FIG4: variants seen among roughly 807,000 people sequenced by gnomAD.
FIG4 encodes FIG4 phosphoinositide 5-phosphatase.
FIG4 carries 112 observed loss-of-function variants against 118.6 expected under a neutral mutation model. That is an observed-to-expected ratio of 0.94 (90% confidence interval 0.81 to 1.11). The LOEUF is 1.11. Among genes scored for constraint, FIG4 ranks in the 50% least tolerant of loss-of-function variants. The pLI is 0.00. For missense variants in FIG4, 969 were observed against 1,111.7 expected (o/e 0.87, Z 1.83); for synonymous variants, 369 against 381.2 (o/e 0.97, Z 0.37).
At chr6:109,749,745 A>C (rs914168546) in intron 10 of FIG4, among the ~76,000 whole-genome samples, 1 of 152,160 alleles carries the variant, frequency 6.6e-6, no homozygotes, top group Admixed American at 6.6e-5. Flanking sequence ...ACTATCATAC[A>C]TGTGATCATA....
intron 7 of FIG4, among the ~76,000 whole-genome samples, chr6:109,738,802 G>A (rs1385010075): frequency 1.3e-5 from 2 of 152,168 alleles, no homozygotes; most frequent in East Asian, 3.9e-4. Context: ...ACAAAAGTCA[G>A]TGCCTTAGCA....
intron 16 of FIG4, among the ~76,000 whole-genome samples, chr6:109,779,451 C>A (rs1562679468): frequency 2.0e-5 from 3 of 152,182 alleles, no homozygotes; most frequent in African/African-American, 7.2e-5. Flanking sequence ...GAGATAATGT[C>A]TTGGCTAAGA....
chr6:109,794,141 T>C (rs1220399648), intron 21 of FIG4, among the ~76,000 whole-genome samples: 5 of 152,254 alleles, frequency 3.3e-5, no homozygotes, highest in African/African-American at 1.2e-4. Context: ...AATTCTGTGT[T>C]TGATATTCTG....
At chr6:109,804,544 C>T (rs1474964988) in intron 22 of FIG4, among the ~76,000 whole-genome samples, 1 of 152,140 alleles carries the variant, frequency 6.6e-6, no homozygotes, top group Non-Finnish European at 1.5e-5. Context: ...GCATGTTACT[C>T]AGAACCTTAA....
intron 10 of FIG4, among the ~76,000 whole-genome samples, chr6:109,757,026 G>A (rs11759958): frequency 0.3 from 45,553 of 151,938 alleles, 7,380 homozygotes; most frequent in Non-Finnish European, 0.37. Flanking sequence ...CGTCTTCTGC[G>A]TCGCTCACGC....
Position 109,766,837 on chromosome 6 carries a change from C to T in FIG4, c.1692C>T (p.Thr564=), listed in dbSNP as rs1340609696. 1 of 1,613,978 alleles carries T rather than the reference C, an allele frequency of 6.2e-7. No individual in the cohort carries two copies. The highest frequency in any genetic ancestry group is 1.3e-5 in the African/African-American group (1 of 74,994). Reference sequence around the variant, plus strand: ...CCTACAGAAAGATAGCACCATGGACCCAGCACTCCAAAGACATCATGCAAA... The same window carrying T: ...CCTACAGAAAGATAGCACCATGGACTCAGCACTCCAAAGACATCATGCAAA... ...VKTYRKIAPW[T]QHSKDIMQTL... Residue 564 remains threonine, a synonymous_variant, in exon 15 of 23, where the codon ACC becomes ACT. Coordinates refer to ENST00000230124, the MANE Select transcript of FIG4 (RefSeq NM_014845.6).
intron 20 of FIG4, 56 bp from the exon 21 acceptor site, chr6:109,792,526 T>C: frequency 1.0e-6 from 1 of 986,100 alleles, no homozygotes; most frequent in Non-Finnish European, 1.6e-6. Flanking sequence ...AAATTATTGA[T>C]ATGCTATATG....
At chr6:109,803,906 G>C (rs1004880952) in intron 22 of FIG4, among the ~76,000 whole-genome samples, 2 of 151,830 alleles carry the variant, frequency 1.3e-5, no homozygotes, top group African/African-American at 4.8e-5. Context: ...CATGGATGAA[G>C]CTGGAAACCA....
intron 10 of FIG4, among the ~76,000 whole-genome samples, chr6:109,751,172 A>G (rs963977128): frequency 6.6e-6 from 1 of 152,190 alleles, no homozygotes; most frequent in South Asian, 2.1e-4. Context: ...CAGTCTCACT[A>G]TTGTGAAATT....
intron 10 of FIG4, among the ~76,000 whole-genome samples, chr6:109,750,674 G>A (rs573819974): frequency 6.6e-6 from 1 of 152,240 alleles, no homozygotes; most frequent in East Asian, 1.9e-4. Flanking sequence ...AAAATCACTT[G>A]TGTAGTAGTT....
chr6:109,785,759 A>G (rs908860926), intron 17 of FIG4: 1 of 467,006 alleles, frequency 2.1e-6, no homozygotes, highest in African/African-American at 2.0e-5. Flanking sequence ...TTGGGTGGGG[A>G]AGGCCATAAA....
rs773877685 is a variant in FIG4 at position 109,791,410 on chromosome 6, C to T, written c.2215C>T (p.Arg739Trp). The part of the protein sequence containing the change: ...KSNREEAVLQ[R>W]KTAASAPPPP... ...CAATAGAGAAGAAGCTGTATTACAG[C>T]GGAAAACGGCAGCCAGCGCCCCGCC... The change falls in exon 20 of 23, where the codon CGG becomes TGG. Residue 739 changes from arginine (R) to tryptophan (W), a missense_variant. By Grantham distance (101) the Arg-to-Trp change is moderately radical. Around this residue, in one of 3 missense-constraint regions of FIG4, gnomAD observed 330 missense variants for 348.1 expected, o/e 0.95. Transcript: ENST00000230124. 1.2e-6 allele frequency: 2 copies of T among 1,613,448 alleles called. No homozygotes were observed. The highest frequency in any genetic ancestry group is 1.7e-6 in the Non-Finnish European group (2 of 1,180,004).
At chr6:109,704,076 G>C (rs1182560329) in intron 1 of FIG4, among the ~76,000 whole-genome samples, 4 of 151,972 alleles carry the variant, frequency 2.6e-5, no homozygotes, top group Admixed American at 2.0e-4. Context: ...GGCCTCTCTG[G>C]GCATGTTGTG....
chr6:109,692,464 A>C lies in FIG4; in HGVS notation c.66+963A>C, dbSNP rs1323097081. Among the ~76,000 whole-genome samples the C allele has an allele frequency of 2.0e-5, 3 of 152,346 alleles. No individual in the cohort carries two copies. The East Asian group carries it at 5.8e-4, about 29-fold the overall frequency. ...TCAGTTATAACGTAGTCCTAATAGC[A>C]CAATAACCTCTCCCTCAGGTTAACA... On this transcript the variant is annotated intron_variant, in intron 1 of 22. Coordinates refer to ENST00000230124, the MANE Select transcript of FIG4 (RefSeq NM_014845.6).
chr6:109,766,962 G>T, intron 15 of FIG4, 67 bp downstream of exon 15: 2 of 1,292,540 alleles, frequency 1.5e-6, no homozygotes, highest in South Asian at 1.2e-5. Flanking sequence ...GTCTTTTAAA[G>T]CTATCTGGCT....
At chr6:109,808,859 A>G (rs926067744) in intron 22 of FIG4, among the ~76,000 whole-genome samples, 3 of 152,178 alleles carry the variant, frequency 2.0e-5, no homozygotes, top group African/African-American at 7.2e-5. Flanking sequence ...TTATGAGATC[A>G]GTAGCAGTCT....
At chr6:109,790,758 C>T (rs1263069131) in intron 19 of FIG4, among the ~76,000 whole-genome samples, 1 of 152,190 alleles carries the variant, frequency 6.6e-6, no homozygotes, top group African/African-American at 2.4e-5. Flanking sequence ...TCTTACTACT[C>T]TTCCAATTTG....
At chr6:109,765,295 C>T (rs190750933) in intron 14 of FIG4, 134 bp downstream of exon 14, 59 of 747,158 alleles carry the variant, frequency 7.9e-5, no homozygotes, top group Admixed American at 3.2e-4. Context: ...ATTATTCAAA[C>T]TCGTTCTGTT....
intron 20 of FIG4, among the ~76,000 whole-genome samples, 161 bp from the exon 21 acceptor site, chr6:109,792,421 T>A (rs1778160153): frequency 1.3e-5 from 2 of 152,228 alleles, no homozygotes; most frequent in Non-Finnish European, 2.9e-5. Context: ...GAAATCAAAA[T>A]TTTTTAAAAC....
Sources: allele counts gnomAD v4.1 joint callset (sites outside exome capture counted in the v4.1 genomes callset), GRCh38; gene constraint gnomAD v4.1.1; regional missense constraint gnomAD v4.1.1; transcripts MANE v1.5; gene names NCBI Gene and HGNC (gene_info 2026-07-23, HGNC 2026-07-21).